KDM4B: variants seen among roughly 807,000 people sequenced by gnomAD.
KDM4B encodes the protein lysine-specific demethylase 4B.
In KDM4B, 32 loss-of-function variants were observed where a neutral mutation model predicts 125.2. The ratio of observed to expected loss-of-function variants is 0.26; its 90% CI spans 0.19 to 0.34. The LOEUF (loss-of-function observed/expected upper bound fraction) is 0.34, where lower values mean the gene tolerates loss of function less well. Among genes scored for constraint, KDM4B ranks in the 10% least tolerant of loss-of-function variants. The pLI is 1.00. For synonymous variants in KDM4B, 721 were observed against 677.9 expected, an observed-to-expected ratio of 1.06 and a Z score of -0.99; for missense variants, 1,190 against 1,577.7, an observed-to-expected ratio of 0.75 and a Z score of 4.16.
intron 3 of KDM4B, 123 bp from the exon 4 acceptor site, chr19:5,039,711 TGG>T: frequency 9.3e-7 from 1 of 1,079,542 alleles, no homozygotes; most frequent in Non-Finnish European, 1.3e-6. Flanking sequence ...CTCGTGCCCC[TGG>T]GGGGTGTCCC....
At chr19:4,992,940 T>A (rs1469567313) in intron 1 of KDM4B, among the ~76,000 whole-genome samples, 1 of 152,228 alleles carries the variant, frequency 6.6e-6, no homozygotes, top group Non-Finnish European at 1.5e-5. Flanking sequence ...TTACTTTGGA[T>A]GATCTGAATT....
intron 6 of KDM4B, among the ~76,000 whole-genome samples, chr19:5,056,890 G>A (rs963202109): frequency 5.3e-5 from 3 of 56,646 alleles, no homozygotes; most frequent in African/African-American, 1.5e-4. Flanking sequence ...ACGCTGGGGC[G>A]GGGAGTCCTG....
chr19:5,003,806 T>G (rs1055706964), intron 1 of KDM4B, among the ~76,000 whole-genome samples: 4 of 151,858 alleles, frequency 2.6e-5, no homozygotes, highest in African/African-American at 9.7e-5. Context: ...TGAGACCCCG[T>G]CTAAAAAAAA....
intron 9 of KDM4B, among the ~76,000 whole-genome samples, chr19:5,090,165 G>C (rs1342251804): frequency 2.0e-5 from 3 of 152,168 alleles, no homozygotes; most frequent in African/African-American, 7.2e-5. Flanking sequence ...CCGTGTGCAG[G>C]GGAGGGGTCC....
chr19:5,123,087 T>G (rs2039390484), intron 11 of KDM4B, among the ~76,000 whole-genome samples: 1 of 152,170 alleles, frequency 6.6e-6, no homozygotes, highest in Non-Finnish European at 1.5e-5. Flanking sequence ...CCTCCATCGA[T>G]GGAGAGGGAC....
chr19:5,094,180 C>T (rs529134435), intron 9 of KDM4B, among the ~76,000 whole-genome samples: 85 of 152,326 alleles, frequency 5.6e-4, no homozygotes, highest in Non-Finnish European at 1.2e-3. Context: ...TCTAAGGGCA[C>T]CAGGTGCTGA....
At chr19:5,092,261 C>T (rs535539901) in intron 9 of KDM4B, among the ~76,000 whole-genome samples, 295 of 152,304 alleles carry the variant, frequency 1.9e-3, no homozygotes, top group Non-Finnish European at 3.0e-3. Flanking sequence ...GGGCACTGCA[C>T]GGTGCTGAGC....
intron 6 of KDM4B, chr19:5,070,739 C>G (rs1393295850): frequency 2.6e-6 from 1 of 391,222 alleles, no homozygotes; most frequent in Non-Finnish European, 4.6e-6. Flanking sequence ...TAACCGGGAG[C>G]ATCCCCACTC....
chr19:5,010,773 G>A (rs1217019537), intron 1 of KDM4B, among the ~76,000 whole-genome samples: 2 of 152,100 alleles, frequency 1.3e-5, no homozygotes, highest in African/African-American at 4.8e-5. Flanking sequence ...TCAGCCTCCC[G>A]AGTAGCTGGG....
At chr19:5,025,918 C>T (rs907959992) in intron 2 of KDM4B, among the ~76,000 whole-genome samples, 2 of 151,906 alleles carry the variant, frequency 1.3e-5, no homozygotes, top group South Asian at 2.1e-4. Flanking sequence ...GAGTTTCACT[C>T]GTTGCCCAGG....
rs138214099 is a variant in KDM4B at position 4,973,283 on chromosome 19, G to A, written c.-109+4053G>A. Among the ~76,000 whole-genome samples, 533 of 152,224 alleles carry A rather than the reference G, an allele frequency of 3.5e-3. 4 individuals carry two copies. Among genetic ancestry groups the A allele is most frequent in the African/African-American group, 0.012 (500 of 41,538 alleles). On this transcript the variant is annotated intron_variant, in intron 1 of 22. Transcript: ENST00000159111. ...AGCTCACTGCAACCTCCGCCTCCCG[G>A]GTTCAAGTGATTCTCTGGCCTCAGC...
intron 6 of KDM4B, among the ~76,000 whole-genome samples, chr19:5,062,514 C>A (rs1009001359): frequency 6.6e-6 from 1 of 152,212 alleles, no homozygotes; most frequent in African/African-American, 2.4e-5. Flanking sequence ...GTACAGCAGG[C>A]AAGTGCACTA....
chr19:5,064,104 C>T (rs1024083213), intron 6 of KDM4B, among the ~76,000 whole-genome samples: 5 of 152,154 alleles, frequency 3.3e-5, no homozygotes, highest in East Asian at 1.9e-4. Flanking sequence ...GGCTTTGTTG[C>T]GAGGGTGGCG....
intron 5 of KDM4B, among the ~76,000 whole-genome samples, chr19:5,043,379 G>A (rs1035528455): frequency 2.7e-4 from 40 of 148,210 alleles, no homozygotes; most frequent in African/African-American, 6.3e-4. Flanking sequence ...CTTATCCCGC[G>A]TGGTGTTTAT....
chr19:5,090,311 T>C (rs2038649117), intron 9 of KDM4B, among the ~76,000 whole-genome samples: 1 of 150,528 alleles, frequency 6.6e-6, no homozygotes, highest in Non-Finnish European at 1.5e-5. Context: ...TTTTGAGAAG[T>C]CTCTTTCTCA....
chr19:5,007,659 C>T (rs1260853879), intron 1 of KDM4B, among the ~76,000 whole-genome samples: 7 of 151,490 alleles, frequency 4.6e-5, no homozygotes, highest in Admixed American at 2.6e-4. Context: ...GATCCTCCCA[C>T]CTCAGCCTCC....
intron 5 of KDM4B, among the ~76,000 whole-genome samples, chr19:5,041,827 G>A (rs2036828580): frequency 6.6e-6 from 1 of 152,278 alleles, no homozygotes; most frequent in Non-Finnish European, 1.5e-5. Context: ...GGCCTGCGTG[G>A]CGGGTGTGTG....
intron 5 of KDM4B, among the ~76,000 whole-genome samples, chr19:5,042,272 G>A (rs1336176414): frequency 6.6e-6 from 1 of 152,172 alleles, no homozygotes; most frequent in Non-Finnish European, 1.5e-5. Flanking sequence ...AGACTGAGGT[G>A]GGCAGATCAC....
Position 5,115,288 on chromosome 19 carries a change from G to A in KDM4B, c.1116-4365G>A, listed in dbSNP as rs574994900. ...GCCCCTGGGGGTGCTGGGGGGATGT[G>A]GGGGCAACCAGCAGAAGACAGTGGG... On this transcript the variant is annotated intron_variant, in intron 10 of 22. Coordinates refer to ENST00000159111, the MANE Select transcript of KDM4B (RefSeq NM_015015.3). The surrounding 1 kb of genome is among the most constrained non-coding windows in gnomAD (Gnocchi z 4.2). 3.9e-5 allele frequency among the ~76,000 whole-genome samples: 6 copies of A among 152,236 alleles called. No homozygotes were observed. The South Asian group carries it at 1.2e-3, about 32-fold the overall frequency.
Sources: gnomAD v4.1 joint callset for allele counts (sites outside exome capture counted in the v4.1 genomes callset) on GRCh38, gnomAD v4.1.1 for gene constraint, Gnocchi (gnomAD v3.1) non-coding constraint, MANE v1.5 for transcripts, NCBI Gene and HGNC (gene_info 2026-07-23, HGNC 2026-07-21) for gene names.